The following PEAK1 variants were observed in gnomAD, a reference collection of about 807,000 sequenced individuals.
PEAK1 encodes the protein pseudopodium enriched atypical kinase 1, also known as inactive tyrosine-protein kinase PEAK1.
Under a neutral mutation model 124.7 loss-of-function variants are expected in PEAK1, and 54 were observed. That is an observed-to-expected ratio of 0.43 (90% CI 0.35 to 0.54). The LOEUF (loss-of-function observed/expected upper bound fraction) is 0.54, where lower values mean the gene tolerates loss of function less well. PEAK1 is among the 20% of genes least tolerant of loss of function. The probability of loss-of-function intolerance (pLI) is 0.01; values close to 1 mark genes in which losing one functional copy is unlikely to be tolerated. For synonymous variants in PEAK1, 719 were observed against 760.0 expected (o/e 0.95, Z 0.89); for missense variants, 2,046 against 2,134.5 (o/e 0.96, Z 0.82).
rs150139806 is a variant in PEAK1 at position 77,405,867 on chromosome 15, C to T, written c.-666+14139G>A. 2.4e-4 allele frequency among the ~76,000 whole-genome samples: 36 copies of T among 152,052 alleles called. No individual in the cohort carries two copies. In the East Asian group the frequency reaches 6.9e-3, roughly 29 times the overall value. On this transcript the variant is annotated intron_variant, in intron 1 of 9. Coordinates refer to ENST00000682557, the MANE Select transcript of PEAK1 (RefSeq NM_001385026.1). The stretch of plus-strand genomic sequence containing the variant: ...AATTAAGGAATTCAGAGGTCTAACT[C>T]CCTAAAAATCTAAGTCAATAATTAA...
intron 2 of PEAK1, among the ~76,000 whole-genome samples, chr15:77,312,955 T>C (rs774551068): frequency 3.9e-5 from 6 of 152,180 alleles, no homozygotes; most frequent in Non-Finnish European, 8.8e-5. Context: ...GAATTTATAT[T>C]TGGCTTATCA....
intron 1 of PEAK1, among the ~76,000 whole-genome samples, chr15:77,413,814 T>C (rs1306384554): frequency 6.6e-6 from 1 of 152,188 alleles, no homozygotes; most frequent in African/African-American, 2.4e-5. Flanking sequence ...GAAGAGTATA[T>C]AGCAGCAGTT....
intron 6 of PEAK1, among the ~76,000 whole-genome samples, chr15:77,233,519 G>A (rs987709036): frequency 1.3e-5 from 2 of 151,862 alleles, no homozygotes; most frequent in Non-Finnish European, 2.9e-5. Flanking sequence ...GGCTTCTTCA[G>A]TACTAGATTT....
chr15:77,266,663 T>A (rs539041440), intron 5 of PEAK1, among the ~76,000 whole-genome samples: 2 of 152,142 alleles, frequency 1.3e-5, no homozygotes, highest in East Asian at 3.9e-4. Flanking sequence ...AACACCAAGA[T>A]AACAGACATA....
intron 5 of PEAK1, among the ~76,000 whole-genome samples, chr15:77,270,218 C>T (rs2061958101): frequency 6.6e-6 from 1 of 152,084 alleles, no homozygotes; most frequent in Non-Finnish European, 1.5e-5. Flanking sequence ...AAAACTGGCA[C>T]AAGACAGGGA....
intron 2 of PEAK1, among the ~76,000 whole-genome samples, chr15:77,331,759 A>G (rs1048445064): frequency 1.3e-5 from 2 of 151,880 alleles, no homozygotes. Context: ...GTGGGACTAC[A>G]GGCTCGTGCC....
intron 1 of PEAK1, among the ~76,000 whole-genome samples, chr15:77,408,154 T>TATATAC (rs1555504227): frequency 3.5e-5 from 5 of 144,418 alleles, no homozygotes; most frequent in East Asian, 2.0e-4. Flanking sequence ...CATATATACA[T>TATATAC]ACACACACAC....
chr15:77,263,197 G>A (rs1279256696), intron 5 of PEAK1, among the ~76,000 whole-genome samples: 1 of 152,092 alleles, frequency 6.6e-6, no homozygotes, highest in Admixed American at 6.6e-5. Context: ...AAAAGAACTA[G>A]AGAAGCAAGA....
intron 6 of PEAK1, among the ~76,000 whole-genome samples, chr15:77,241,781 A>G (rs2060369270): frequency 6.6e-6 from 1 of 152,098 alleles, no homozygotes; most frequent in South Asian, 2.1e-4. Flanking sequence ...AAAGCCAAGT[A>G]TAGGAGGGGT....
chr15:77,114,429 A>G lies in PEAK1; in HGVS notation c.4968T>C (p.Ile1656=). The change falls in exon 10 of 10, where the codon ATT becomes ATC. Residue 1656 remains isoleucine (I), a synonymous_variant. Coordinates refer to ENST00000682557, the MANE Select transcript of PEAK1 (RefSeq NM_001385026.1). ...ACTGGAGGATGCCTTTGGCGTCTGA[A>G]ATGAGGATCCGCTCAGAAGGGTTGG... ...LNPNPSERIL[I]SDAKGILQCL... The G allele has an allele frequency of 6.2e-7, 1 of 1,614,114 alleles. No individual in the cohort carries two copies. Among genetic ancestry groups the G allele is most frequent in the African/African-American group, 1.3e-5 (1 of 75,030 alleles).
intron 7 of PEAK1, among the ~76,000 whole-genome samples, chr15:77,171,397 T>TA (rs1489532043): frequency 1.3e-5 from 2 of 152,194 alleles, no homozygotes; most frequent in East Asian, 3.9e-4. Context: ...CTGGAGGACA[T>TA]TATGCTAGGT....
At position 77,261,533 on chromosome 15, in the gene PEAK1, T is replaced by C. The variant is rs1247783279; in HGVS notation, c.-274-9007A>G. 2.0e-5 allele frequency among the ~76,000 whole-genome samples: 3 copies of C among 151,558 alleles called. No homozygotes were observed. The East Asian group carries it at 5.8e-4, about 29-fold the overall frequency. On this transcript the variant is annotated intron_variant, in intron 5 of 9. Coordinates refer to ENST00000682557, the MANE Select transcript of PEAK1 (RefSeq NM_001385026.1). The stretch of plus-strand genomic sequence containing the variant: ...AAGAAAGGGTATCAGTGATGGAAGA[T>C]CAAATGAATGAAATGCGAGTTTAGA...
intron 9 of PEAK1, among the ~76,000 whole-genome samples, chr15:77,132,089 T>A (rs1596297831): frequency 6.8e-6 from 1 of 148,130 alleles, no homozygotes; most frequent in Non-Finnish European, 1.5e-5. Flanking sequence ...GGTTACCTAC[T>A]TTTTTTTTTG....
At chr15:77,327,017 CA>C (rs2065620219) in intron 2 of PEAK1, among the ~76,000 whole-genome samples, 1 of 152,132 alleles carries the variant, frequency 6.6e-6, no homozygotes, top group African/African-American at 2.4e-5. Flanking sequence ...GTTTGACTAT[CA>C]CTTAAAGCAA....
intron 5 of PEAK1, among the ~76,000 whole-genome samples, chr15:77,279,862 CA>C: frequency 6.6e-6 from 1 of 152,192 alleles, no homozygotes; most frequent in Non-Finnish European, 1.5e-5. Flanking sequence ...TCCATTTATA[CA>C]ATATTCTGGA....
intron 2 of PEAK1, chr15:77,350,828 T>C: frequency 1.0e-6 from 1 of 980,320 alleles, no homozygotes; most frequent in Non-Finnish European, 1.2e-6. Context: ...AATTTGTAAT[T>C]GGCTGTTAAG....
At position 77,252,381 on chromosome 15, in the gene PEAK1, G is replaced by C. The variant is rs1203726325; in HGVS notation, c.-129C>G. 1.0e-6 allele frequency: 1 copy of C among 985,084 alleles called. No homozygotes were observed. The highest frequency in any genetic ancestry group is 1.2e-6 in the Non-Finnish European group (1 of 829,778). The allele number at this position is 985,084 out of a possible 1,614,324, so 61.0% of individuals were successfully genotyped here. A position where few individuals can be genotyped will look rare whatever the true frequency, so the allele number is the denominator to read the frequency against. ...ATTCTGCTTACTATTTAAATCTGAAGCACTTCATTCATTCTGGTGACAAAG... is the reference window on the plus strand; with the variant it reads ...ATTCTGCTTACTATTTAAATCTGAACCACTTCATTCATTCTGGTGACAAAG... On this transcript the variant is annotated 5_prime_UTR_variant, in exon 6 of 10. Coordinates refer to ENST00000682557, the MANE Select transcript of PEAK1 (RefSeq NM_001385026.1).
intron 6 of PEAK1, among the ~76,000 whole-genome samples, chr15:77,184,977 G>A (rs975967862): frequency 6.6e-6 from 1 of 152,194 alleles, no homozygotes; most frequent in African/African-American, 2.4e-5. Context: ...AGACAGCTCT[G>A]CTGCTATGTA....
chr15:77,176,258 G>T (rs940306910), intron 7 of PEAK1, among the ~76,000 whole-genome samples: 5 of 29,822 alleles, frequency 1.7e-4, no homozygotes, highest in East Asian at 6.1e-4. Context: ...ATAATAATAA[G>T]AAGAAAAAAA....
Sources: allele counts gnomAD v4.1 joint callset (sites outside exome capture counted in the v4.1 genomes callset), GRCh38; gene constraint gnomAD v4.1.1; transcripts MANE v1.5; gene names NCBI Gene and HGNC (gene_info 2026-07-23, HGNC 2026-07-21).